Variants in SEPTIN7 observed in about 807,000 individuals in gnomAD.
The protein encoded by SEPTIN7 is septin-7.
A neutral mutation model predicts 63.3 loss-of-function variants in SEPTIN7; 10 were observed. The ratio of observed to expected loss-of-function variants is 0.16; its 90% CI spans 0.10 to 0.27. The LOEUF (loss-of-function observed/expected upper bound fraction) is 0.27, where lower values mean the gene tolerates loss of function less well. Ranked by LOEUF, SEPTIN7 falls within the 10% of genes least tolerant of loss-of-function variation. The pLI is 1.00. For missense variants in SEPTIN7, 310 were observed against 521.0 expected, an observed-to-expected ratio of 0.59 and a Z score of 3.94; for synonymous variants, 131 against 165.3, an observed-to-expected ratio of 0.79 and a Z score of 1.59.
chr7:35,870,548 C>T (rs1187932606), intron 4 of SEPTIN7, among the ~76,000 whole-genome samples: 5 of 152,210 alleles, frequency 3.3e-5, no homozygotes, highest in Middle Eastern at 3.4e-3. Context: ...GCTTCAGCCA[C>T]AGTTACCATG....
intron 12 of SEPTIN7, 54 bp downstream of exon 12, chr7:35,898,437 G>A (rs1433423067): frequency 8.8e-7 from 1 of 1,136,196 alleles, no homozygotes; most frequent in Non-Finnish European, 1.2e-6. Flanking sequence ...TTTTTAAGTA[G>A]TATCTTCAGT....
downstream of SEPTIN7, among the ~76,000 whole-genome samples, chr7:35,911,370 C>T (rs528204407): frequency 6.6e-6 from 1 of 152,284 alleles, no homozygotes; most frequent in South Asian, 2.1e-4. Context: ...CAGTATTTAC[C>T]ATAACAAATC....
intron 1 of SEPTIN7, among the ~76,000 whole-genome samples, chr7:35,809,277 C>A (rs1788551049): frequency 6.6e-6 from 1 of 152,162 alleles, no homozygotes; most frequent in African/African-American, 2.4e-5. Flanking sequence ...CTTAACTGAA[C>A]CTTTGGCAAA....
chr7:35,874,717 G>A (rs1786370980), intron 6 of SEPTIN7, among the ~76,000 whole-genome samples: 2 of 151,986 alleles, frequency 1.3e-5, no homozygotes, highest in Non-Finnish European at 2.9e-5. Context: ...CACTCTAGAT[G>A]GATAAGGGAG....
At chr7:35,909,992 T>C (rs1432116937), downstream of SEPTIN7, among the ~76,000 whole-genome samples, 1 of 152,218 alleles carries the variant, frequency 6.6e-6, no homozygotes, top group African/African-American at 2.4e-5. Context: ...CTGGGGGATC[T>C]GCTTCCATGA....
intron 11 of SEPTIN7, among the ~76,000 whole-genome samples, chr7:35,892,727 A>G (rs546718838): frequency 2.8e-4 from 42 of 151,896 alleles, no homozygotes; most frequent in African/African-American, 9.9e-4. Context: ...ACAAAATTCT[A>G]CTGTGTGGAT....
chr7:35,873,499 T>G, intron 5 of SEPTIN7, 142 bp from the exon 6 acceptor site: 1 of 693,348 alleles, frequency 1.4e-6, no homozygotes, highest in Non-Finnish European at 2.3e-6. Context: ...ATTTATATTT[T>G]TGAATATATA....
chr7:35,812,690 T>C (rs2115719922), intron 1 of SEPTIN7, among the ~76,000 whole-genome samples: 1 of 152,174 alleles, frequency 6.6e-6, no homozygotes, highest in South Asian at 2.1e-4. Context: ...AAGGACCTTT[T>C]TCCCCCGTAG....
At chr7:35,813,563 TG>T (rs764201683) in intron 1 of SEPTIN7, among the ~76,000 whole-genome samples, 2 of 152,104 alleles carry the variant, frequency 1.3e-5, no homozygotes, top group African/African-American at 4.8e-5. Context: ...TTTGTAGGCA[TG>T]GGGTTTTGCC....
At chr7:35,860,555 G>C (rs538442381) in intron 3 of SEPTIN7, among the ~76,000 whole-genome samples, 2 of 152,176 alleles carry the variant, frequency 1.3e-5, no homozygotes, top group East Asian at 3.9e-4. Flanking sequence ...CCTCCCTCAG[G>C]TTTTGTTTAC....
intron 3 of SEPTIN7, among the ~76,000 whole-genome samples, chr7:35,860,200 T>G (rs546412120): frequency 3.0e-4 from 46 of 152,196 alleles, no homozygotes; most frequent in African/African-American, 1.1e-3. Flanking sequence ...ACAGTCTCAA[T>G]TTTTTATACC....
chr7:35,844,666 C>A (rs1784568966), intron 3 of SEPTIN7, among the ~76,000 whole-genome samples: 1 of 152,012 alleles, frequency 6.6e-6, no homozygotes. Flanking sequence ...ATGGCGTGAT[C>A]TCGGCTCACT....
Position 35,801,486 on chromosome 7 carries a change from G to T in SEPTIN7, c.61+216G>T, listed in dbSNP as rs541984784. Among the ~76,000 whole-genome samples the T allele has an allele frequency of 1.1e-4, 16 of 151,284 alleles. 1 individual carries two copies. The South Asian group carries it at 3.3e-3, about 32-fold the overall frequency. ...GGTGACAGTTTGAATTGAACGTGAGGAGAGCCGAGGCGGCGGCATTTCCTG... is the reference window on the plus strand; with the variant it reads ...GGTGACAGTTTGAATTGAACGTGAGTAGAGCCGAGGCGGCGGCATTTCCTG... On this transcript the variant is annotated intron_variant, in intron 1 of 13. Coordinates refer to ENST00000350320, the MANE Select transcript of SEPTIN7 (RefSeq NM_001788.6).
At chr7:35,851,592 A>G (rs1426364945) in intron 3 of SEPTIN7, among the ~76,000 whole-genome samples, 1 of 152,188 alleles carries the variant, frequency 6.6e-6, no homozygotes, top group African/African-American at 2.4e-5. Context: ...TAAATAATGC[A>G]GAAGTACACT....
At chr7:35,882,092 C>G (rs570601702) in intron 7 of SEPTIN7, among the ~76,000 whole-genome samples, 1 of 151,994 alleles carries the variant, frequency 6.6e-6, no homozygotes, top group South Asian at 2.1e-4. Flanking sequence ...CCTGTTTATT[C>G]AACTAAATAA....
At chr7:35,881,520 G>T (rs1289611735) in intron 7 of SEPTIN7, among the ~76,000 whole-genome samples, 2 of 149,012 alleles carry the variant, frequency 1.3e-5, no homozygotes, top group Admixed American at 6.7e-5. Flanking sequence ...TTTAAATATA[G>T]GTACGTACCC....
intron 4 of SEPTIN7, among the ~76,000 whole-genome samples, chr7:35,872,148 G>T (rs1786192732): frequency 6.6e-6 from 1 of 152,154 alleles, no homozygotes; most frequent in South Asian, 2.1e-4. Context: ...ATACATCCAT[G>T]CTGAGAAAGA....
downstream of SEPTIN7, among the ~76,000 whole-genome samples, chr7:35,910,836 G>A (rs1214284888): frequency 1.3e-5 from 2 of 152,212 alleles, no homozygotes; most frequent in East Asian, 3.8e-4. Flanking sequence ...TGCAAAGACA[G>A]AAGCAGAACA....
At chr7:35,892,573 G>C (rs565149257) in intron 11 of SEPTIN7, among the ~76,000 whole-genome samples, 4 of 152,120 alleles carry the variant, frequency 2.6e-5, no homozygotes, top group South Asian at 4.1e-4. Flanking sequence ...TAAAACATTT[G>C]TTAAGTTGTA....
Sources: gnomAD v4.1 joint callset for allele counts (sites outside exome capture counted in the v4.1 genomes callset) on GRCh38, gnomAD v4.1.1 for gene constraint, MANE v1.5 for transcripts, NCBI Gene and HGNC (gene_info 2026-07-23, HGNC 2026-07-21) for gene names.